The following CACNA2D3 variants were observed in gnomAD, a reference collection of about 807,000 sequenced individuals.
CACNA2D3 encodes the protein calcium voltage-gated channel auxiliary subunit alpha2delta 3.
In CACNA2D3, 60 loss-of-function variants were observed where a neutral mutation model predicts 160.6. That is an observed-to-expected ratio of 0.37 (90% CI 0.30 to 0.46). The LOEUF is 0.46. CACNA2D3 is among the 20% of genes least tolerant of loss of function. The pLI is 1.00. For synonymous variants in CACNA2D3, 558 were observed against 492.9 expected, an observed-to-expected ratio of 1.13 and a Z score of -1.75; for missense variants, 1,205 against 1,365.0, an observed-to-expected ratio of 0.88 and a Z score of 1.85.
At chr3:54,747,715 G>T (rs1422895610) in intron 11 of CACNA2D3, among the ~76,000 whole-genome samples, 1 of 152,066 alleles carries the variant, frequency 6.6e-6, no homozygotes, top group African/African-American at 2.4e-5. Context: ...GAGCTTCCCT[G>T]TCGCAGGGAC....
At chr3:54,523,104 A>T (rs1701672313) in intron 5 of CACNA2D3, among the ~76,000 whole-genome samples, 1 of 152,094 alleles carries the variant, frequency 6.6e-6, no homozygotes, top group Admixed American at 6.6e-5. Flanking sequence ...AAGAGCAGGT[A>T]ATTCTTTTCT....
chr3:54,467,178 GT>G (rs1700643731), intron 4 of CACNA2D3, among the ~76,000 whole-genome samples: 1 of 152,186 alleles, frequency 6.6e-6, no homozygotes, highest in African/African-American at 2.4e-5. Flanking sequence ...AGGAAAATAA[GT>G]TCAAAGCAAA....
intron 3 of CACNA2D3, among the ~76,000 whole-genome samples, chr3:54,385,055 T>G (rs1274435167): frequency 6.6e-6 from 1 of 152,034 alleles, no homozygotes; most frequent in African/African-American, 2.4e-5. Context: ...TAAATAAGAG[T>G]TGAGAAACCT....
At chr3:54,208,522 C>T (rs993557717) in intron 2 of CACNA2D3, among the ~76,000 whole-genome samples, 2 of 152,206 alleles carry the variant, frequency 1.3e-5, no homozygotes, top group African/African-American at 4.8e-5. Flanking sequence ...TCTGAATGGC[C>T]TCTGCCTTGG....
chr3:54,160,177 G>A (rs1316147478), intron 2 of CACNA2D3, among the ~76,000 whole-genome samples: 1 of 152,216 alleles, frequency 6.6e-6, no homozygotes, highest in East Asian at 1.9e-4. Context: ...GAATCCTAAT[G>A]TTCAGATGCT....
At chr3:54,585,423 G>A (rs1575361609) in intron 9 of CACNA2D3, among the ~76,000 whole-genome samples, 1 of 152,108 alleles carries the variant, frequency 6.6e-6, no homozygotes, top group African/African-American at 2.4e-5. Context: ...ATGAGAAACA[G>A]AGGAATTAGA....
chr3:55,028,747 GGTTTTT>G (rs902033801), intron 35 of CACNA2D3, among the ~76,000 whole-genome samples: 109 of 152,212 alleles, frequency 7.2e-4, no homozygotes, highest in African/African-American at 2.3e-3. Flanking sequence ...AGGTAAATTA[GGTTTTT>G]GTTTTTGTTT....
At chr3:54,186,329 A>G (rs1229762587) in intron 2 of CACNA2D3, among the ~76,000 whole-genome samples, 1 of 152,174 alleles carries the variant, frequency 6.6e-6, no homozygotes, top group Admixed American at 6.5e-5. Context: ...ATCCCCAAAG[A>G]CACAGATCGG....
rs553050413 is a variant in CACNA2D3, at chr3:54,528,493, A to G, written c.544+24839A>G. Among the ~76,000 whole-genome samples the G allele has an allele frequency of 2.0e-4, 31 of 152,224 alleles. 1 individual carries two copies. In the South Asian group the frequency reaches 6.0e-3, roughly 30 times the overall value. On this transcript the variant is annotated intron_variant, in intron 5 of 37. Transcript: ENST00000474759. The stretch of plus-strand genomic sequence containing the variant: ...ATGTCCTGGTTTCCTTTAGTATCAC[A>G]TAAAAGCCCAATGGAAATGCCCCTC...
chr3:54,810,716 T>C (rs1703284258), intron 13 of CACNA2D3, among the ~76,000 whole-genome samples: 1 of 152,210 alleles, frequency 6.6e-6, no homozygotes, highest in African/African-American at 2.4e-5. Context: ...GATCAATAGA[T>C]CTTTAATTGG....
At chr3:54,646,993 T>C (rs1212983548) in intron 11 of CACNA2D3, among the ~76,000 whole-genome samples, 1 of 152,146 alleles carries the variant, frequency 6.6e-6, no homozygotes, top group East Asian at 1.9e-4. Context: ...CAGCCTTGAA[T>C]GTGAGAGTGG....
chr3:54,389,296 T>TA (rs34532007), intron 4 of CACNA2D3, among the ~76,000 whole-genome samples: 206 of 144,232 alleles, frequency 1.4e-3, no homozygotes, highest in South Asian at 4.5e-3. Flanking sequence ...AACTCCGTCT[T>TA]AAAAAAAAAA....
intron 11 of CACNA2D3, among the ~76,000 whole-genome samples, chr3:54,689,193 C>T (rs555334486): frequency 2.0e-5 from 3 of 152,156 alleles, no homozygotes; most frequent in South Asian, 4.1e-4. Context: ...ATCTCGCCCT[C>T]TCCTTGATTT....
intron 16 of CACNA2D3, among the ~76,000 whole-genome samples, chr3:54,840,433 T>C (rs1461379791): frequency 8.7e-6 from 1 of 115,256 alleles, no homozygotes; most frequent in African/African-American, 3.5e-5. Context: ...TTTTTTGAGA[T>C]GGACTCTCAC....
intron 17 of CACNA2D3, among the ~76,000 whole-genome samples, chr3:54,847,172 C>T (rs1464264922): frequency 6.6e-6 from 1 of 152,198 alleles, no homozygotes; most frequent in Non-Finnish European, 1.5e-5. Context: ...GGGCATTGGC[C>T]ACAAGTGTGC....
At chr3:54,735,551 G>T (rs1268051571) in intron 11 of CACNA2D3, among the ~76,000 whole-genome samples, 1 of 152,136 alleles carries the variant, frequency 6.6e-6, no homozygotes, top group Non-Finnish European at 1.5e-5. Context: ...GATGAACTGT[G>T]GGGATGGTAG....
intron 35 of CACNA2D3, among the ~76,000 whole-genome samples, chr3:55,057,890 A>G (rs147620136): frequency 6.6e-6 from 1 of 152,116 alleles, no homozygotes; most frequent in Non-Finnish European, 1.5e-5. Context: ...TGCTTTGTTC[A>G]TGTCATGCAA....
intron 4 of CACNA2D3, among the ~76,000 whole-genome samples, chr3:54,495,126 C>T (rs189693837): frequency 9.2e-5 from 14 of 152,252 alleles, no homozygotes; most frequent in Non-Finnish European, 1.6e-4. Context: ...TGGCATTGAG[C>T]GGTTCATGGG....
Position 54,220,070 on chromosome 3 carries a change from C to T in CACNA2D3, c.204+96476C>T, listed in dbSNP as rs116940699. On this transcript the variant is annotated intron_variant, in intron 2 of 37. Transcript: ENST00000474759. ...TGTTTCTTAATGGAATTTCAAGCAA[C>T]GTTTTGATTGAGAACTTCCATACAA... Among the ~76,000 whole-genome samples, 39 of 152,058 alleles carry T rather than the reference C, an allele frequency of 2.6e-4. No homozygotes were observed. The East Asian group carries it at 4.3e-3, about 17-fold the overall frequency.
Sources: gnomAD v4.1 joint callset for allele counts (sites outside exome capture counted in the v4.1 genomes callset) on GRCh38, gnomAD v4.1.1 for gene constraint, MANE v1.5 for transcripts, NCBI Gene and HGNC (gene_info 2026-07-23, HGNC 2026-07-21) for gene names.